The following NAGK variants were observed in gnomAD, a reference collection of about 807,000 sequenced individuals.
NAGK encodes the protein N-acetylglucosamine kinase.
Under a neutral mutation model 42.9 loss-of-function variants are expected in NAGK, and 35 were observed. That is an observed-to-expected ratio of 0.82 (90% CI 0.62 to 1.08). The LOEUF is 1.08. NAGK is among the 50% of genes least tolerant of loss of function. The pLI is 0.00. For missense variants in NAGK, 446 were observed against 446.0 expected, an observed-to-expected ratio of 1.00 and a Z score of 0.00; for synonymous variants, 172 against 176.0, an observed-to-expected ratio of 0.98 and a Z score of 0.18.
At chr2:71,070,429 T>C (rs904541133) in intron 1 of NAGK, 73 bp from the exon 2 acceptor site, 3 of 1,314,458 alleles carry the variant, frequency 2.3e-6, no homozygotes, top group Non-Finnish European at 3.3e-6. Flanking sequence ...GCTCTGCCAG[T>C]GTGGACAGCA....
At chr2:71,074,535 A>C (rs1046071480) in intron 6 of NAGK, 4 of 152,238 alleles carry the variant, frequency 2.6e-5, no homozygotes, top group Admixed American at 1.3e-4. Flanking sequence ...TGTTTCAAAG[A>C]TCAGATGAGA....
chr2:71,071,946 T>G, intron 4 of NAGK, 119 bp downstream of exon 4: 4 of 1,323,990 alleles, frequency 3.0e-6, no homozygotes, highest in Non-Finnish European at 4.1e-6. Context: ...TATATTCCCC[T>G]CAACTCTTTA....
chr2:71,071,600 G>A, intron 3 of NAGK, 86 bp from the exon 4 acceptor site: 1 of 1,488,008 alleles, frequency 6.7e-7, no homozygotes, highest in Admixed American at 2.1e-5. Flanking sequence ...GGGGAGAACA[G>A]GAATCAGGCA....
At position 71,077,601 on chromosome 2, in the gene NAGK, G is replaced by A; in HGVS notation, c.809G>A (p.Gly270Asp). ...GKIGLPILCVGSVWKSWELLK... is the reference protein window; with the variant it reads ...GKIGLPILCVDSVWKSWELLK... ...ATTGGACTCCCCATCCTGTGCGTGG[G>A]CTCTGTGTGGAAGAGCTGGGAGCTG... is the stretch of plus-strand genomic sequence containing the variant. The change falls in exon 9 of 10, where the codon GGC becomes GAC. Residue 270 changes from glycine to aspartate, a missense_variant. Transcript: ENST00000244204. The A allele has an allele frequency of 6.2e-7, 1 of 1,609,420 alleles. No individual in the cohort carries two copies. Among genetic ancestry groups the A allele is most frequent in the Non-Finnish European group, 8.5e-7 (1 of 1,177,916 alleles).
At chr2:71,075,793 G>T (rs1672188721) in intron 7 of NAGK, 151 bp downstream of exon 7, 4 of 730,514 alleles carry the variant, frequency 5.5e-6, no homozygotes, top group Non-Finnish European at 9.4e-6. Context: ...GTGGTGGTGG[G>T]CCTTGGGGTG....
Position 71,075,595 on chromosome 2 carries a change from A to G in NAGK, c.620A>G (p.Asp207Gly), listed in dbSNP as rs749039406. 3.8e-5 allele frequency: 62 copies of G among 1,613,958 alleles called. No homozygotes were observed. The highest frequency in any genetic ancestry group is 5.2e-5 in the Non-Finnish European group (61 of 1,180,008). The change falls in exon 7 of 10, where the codon GAC becomes GGC. Residue 207 changes from aspartate (D) to glycine (G), a missense_variant. Physicochemically the swap from Asp to Gly is moderately conservative, Grantham distance 94. Transcript: ENST00000244204. ...GGGATACTCACTCACCTGTATAGGG[A>G]CTTTGATAAATGCAGGTTTGCTGGG... is the stretch of plus-strand genomic sequence containing the variant. ...RLGILTHLYR[D>G]FDKCRFAGFC...
At chr2:71,073,243 C>T (rs991435625) in intron 5 of NAGK, 2 of 571,762 alleles carry the variant, frequency 3.5e-6, no homozygotes, top group African/African-American at 3.8e-5. Flanking sequence ...GCTGGTGTGA[C>T]ACAGCCTCAC....
In NAGK at chr2:71,070,606, G is replaced by A. The variant is rs765620029; in HGVS notation, c.114+20G>A. 1 of 1,609,978 alleles carries A rather than the reference G, an allele frequency of 6.2e-7. No homozygotes were observed. The highest frequency in any genetic ancestry group is 1.1e-5 in the South Asian group (1 of 90,890). On this transcript the variant is annotated intron_variant, in intron 2 of 9. Transcript: ENST00000244204. ...CACTGGGTAAAAACCACACTGAGGG[G>A]ATCAGAGGGCTTGGTTCTGATTTTA... is the stretch of plus-strand genomic sequence containing the variant.
intron 1 of NAGK, 149 bp from the exon 2 acceptor site, chr2:71,070,353 G>T (rs1671951863): frequency 3.3e-6 from 2 of 613,946 alleles, no homozygotes; most frequent in Non-Finnish European, 5.8e-6. Context: ...CTCAAACACT[G>T]AACCACAGAG....
At chr2:71,077,150 AT>A (rs1672240589) in intron 8 of NAGK, among the ~76,000 whole-genome samples, 1 of 151,868 alleles carries the variant, frequency 6.6e-6, no homozygotes, top group Non-Finnish European at 1.5e-5. Context: ...TAATTTTTGT[AT>A]TTTTGGTTTT....
chr2:71,069,787 A>C (rs1293538882), intron 1 of NAGK: 11 of 154,616 alleles, frequency 7.1e-5, no homozygotes. Context: ...CATTCCTAAA[A>C]GTAATGATCA....
In NAGK at chr2:71,078,586, T is replaced by C. The variant is rs1672303399; in HGVS notation, c.*78T>C. 4.3e-6 allele frequency: 6 copies of C among 1,409,496 alleles called. No homozygotes were observed. Among genetic ancestry groups the C allele is most frequent in the African/African-American group, 1.5e-5 (1 of 68,598 alleles). 87.3% of individuals were successfully genotyped at this position (1,409,496 alleles called of 1,614,324 possible). On this transcript the variant is annotated 3_prime_UTR_variant, in exon 10 of 10. Coordinates refer to ENST00000244204, the MANE Select transcript of NAGK (RefSeq NM_017567.6). ...AGGAAGGAGTCTTTTGCTTCCTTTCTCCTTTTTACAAAAACAAACATAGAA... is the reference window on the plus strand; with the variant it reads ...AGGAAGGAGTCTTTTGCTTCCTTTCCCCTTTTTACAAAAACAAACATAGAA...
chr2:71,075,933 C>A lies in NAGK; in HGVS notation c.667+291C>A, dbSNP rs1185980500. 1.1e-5 allele frequency: 5 copies of A among 456,332 alleles called. No homozygotes were observed. In the East Asian group the frequency reaches 1.9e-4, roughly 17 times the overall value. The allele number at this position is 456,332 out of a possible 1,614,324, so 28.3% of individuals were successfully genotyped here. A position where few individuals can be genotyped will look rare whatever the true frequency, so the allele number is the denominator to read the frequency against. ...ATTTATGAAGCAGTTGTCCTTTGGA[C>A]AAATCTATAACTTTCTTTTCCTAGC... On this transcript the variant is annotated intron_variant, in intron 7 of 9. Coordinates refer to ENST00000244204, the MANE Select transcript of NAGK (RefSeq NM_017567.6).
rs557437503 is a variant in NAGK, at chr2:71,069,758, C to T, written c.30-744C>T. 1.5e-3 allele frequency: 233 copies of T among 154,732 alleles called. 1 individual carries two copies. The highest frequency in any genetic ancestry group is 5.4e-3 in the African/African-American group (225 of 41,624). The allele number at this position is 154,732 out of a possible 1,614,324, so 9.6% of individuals were successfully genotyped here. Reference sequence around the variant, plus strand: ...GTCCTCTTTGAGTTTGATGAGCGGTCTTCAGTGTCTTCTTCTGCCATTCCT... The same window carrying T: ...GTCCTCTTTGAGTTTGATGAGCGGTTTTCAGTGTCTTCTTCTGCCATTCCT... On this transcript the variant is annotated intron_variant, in intron 1 of 9. Coordinates refer to ENST00000244204, the MANE Select transcript of NAGK (RefSeq NM_017567.6).
In NAGK at chr2:71,078,323, C is replaced by G; in HGVS notation, c.850C>G (p.Leu284Val). The G allele has an allele frequency of 6.2e-7, 1 of 1,614,120 alleles. No homozygotes were observed. Among genetic ancestry groups the G allele is most frequent in the Non-Finnish European group, 8.5e-7 (1 of 1,179,970 alleles). Residue 284 changes from leucine (L) to valine (V), a missense_variant, in exon 10 of 10, where the codon CTT becomes GTT. Transcript: ENST00000244204. ...KSWELLKEGFLLALTQGREIQ... is the reference protein window; with the variant it reads ...KSWELLKEGFVLALTQGREIQ... Reference sequence around the variant, plus strand: ...CCTTGTGTTCTTCCCTCCAGGTTTTCTTCTGGCGCTGACCCAGGGCAGAGA... The same window carrying G: ...CCTTGTGTTCTTCCCTCCAGGTTTTGTTCTGGCGCTGACCCAGGGCAGAGA...
chr2:71,071,450 CT>C (rs1327333770), intron 3 of NAGK: 1 of 550,192 alleles, frequency 1.8e-6, no homozygotes, highest in African/African-American at 1.9e-5. Context: ...CCCTTCCAAG[CT>C]CCAAAGCTGG....
At chr2:71,068,558 A>C, upstream of NAGK, 1 of 1,503,678 alleles carries the variant, frequency 6.7e-7, no homozygotes, top group South Asian at 1.2e-5. Flanking sequence ...GCGCACGCGC[A>C]CAGGGAGTCA....
At chr2:71,071,303 T>C (rs1347060314) in intron 3 of NAGK, 1 of 288,052 alleles carries the variant, frequency 3.5e-6, no homozygotes, top group Non-Finnish European at 6.6e-6. Flanking sequence ...TTGCGGTAGC[T>C]CCAGCTACTC....
At chr2:71,075,798 G>T (rs1433774190) in intron 7 of NAGK, 156 bp downstream of exon 7, 3 of 706,042 alleles carry the variant, frequency 4.2e-6, no homozygotes, top group Non-Finnish European at 7.4e-6. Flanking sequence ...GGTGGGCCTT[G>T]GGGTGGAGGC....
Sources: allele counts gnomAD v4.1 joint callset (sites outside exome capture counted in the v4.1 genomes callset), GRCh38; gene constraint gnomAD v4.1.1; transcripts MANE v1.5; gene names NCBI Gene and HGNC (gene_info 2026-07-23, HGNC 2026-07-21).